The following PTPRN2 variants were observed in gnomAD, a reference collection of about 807,000 sequenced individuals.
PTPRN2 encodes receptor-type tyrosine-protein phosphatase N2.
In PTPRN2, 74 loss-of-function variants were observed where a neutral mutation model predicts 118.8. The observed-to-expected ratio is 0.62, with a 90% CI of 0.52 to 0.76. The LOEUF (loss-of-function observed/expected upper bound fraction) is 0.76. Ranked by LOEUF, PTPRN2 falls within the 30% of genes least tolerant of loss-of-function variation. PTPRN2 has a pLI of 0.00. For synonymous variants in PTPRN2, 641 were observed against 608.0 expected (o/e 1.05, Z -0.80); for missense variants, 1,481 against 1,394.4 (o/e 1.06, Z -0.99).
intron 2 of PTPRN2, among the ~76,000 whole-genome samples, chr7:158,466,329 C>G (rs377515317): frequency 1.3e-5 from 2 of 152,170 alleles, no homozygotes; most frequent in African/African-American, 4.8e-5. Flanking sequence ...CTCCCACCCC[C>G]CAAACCATAA....
Position 157,604,034 on chromosome 7 carries a change from T to C in PTPRN2, c.2386A>G (p.Ser796Gly), listed in dbSNP as rs1801858749. 3 of 1,613,846 alleles carry C rather than the reference T, an allele frequency of 1.9e-6. No homozygotes were observed. The highest frequency in any genetic ancestry group is 1.3e-5 in the African/African-American group (1 of 75,062). ...CTAGCGTTGATGTAGTCTGAGTGGC[T>C]GTGGCTGTTCTCCGCCTTCAGCAGG... Reference protein sequence around the residue: ...RVLLKAENSHSHSDYINASPI... With the variant: ...RVLLKAENSHGHSDYINASPI... The change falls in exon 16 of 23, where the codon AGC becomes GGC. Residue 796 changes from serine to glycine, a missense_variant. Physicochemically the swap from Ser to Gly is moderately conservative, Grantham distance 56 (BLOSUM62 0). Transcript: ENST00000389418.
At chr7:158,305,353 A>G (rs2151058557) in intron 3 of PTPRN2, among the ~76,000 whole-genome samples, 1 of 152,328 alleles carries the variant, frequency 6.6e-6, no homozygotes, top group Non-Finnish European at 1.5e-5. Context: ...TCATTTTTAT[A>G]TTAGACAAAA....
At chr7:158,329,738 G>T (rs1383099874) in intron 2 of PTPRN2, among the ~76,000 whole-genome samples, 1 of 152,166 alleles carries the variant, frequency 6.6e-6, no homozygotes, top group Non-Finnish European at 1.5e-5. Context: ...TTAAGGCACA[G>T]GGAGGTTAAG....
At chr7:158,291,467 A>G (rs1476056352) in intron 3 of PTPRN2, among the ~76,000 whole-genome samples, 2 of 152,130 alleles carry the variant, frequency 1.3e-5, no homozygotes, top group Non-Finnish European at 2.9e-5. Flanking sequence ...CCCTCCCCCA[A>G]TTGTTATAAA....
At chr7:158,089,455 C>G (rs1289419856) in intron 10 of PTPRN2, among the ~76,000 whole-genome samples, 1 of 64,776 alleles carries the variant, frequency 1.5e-5, no homozygotes, top group African/African-American at 4.6e-5. Context: ...ACCTTCTTCC[C>G]CTGATGAAGG....
At chr7:157,778,886 C>A (rs931167373) in intron 12 of PTPRN2, among the ~76,000 whole-genome samples, 2 of 152,234 alleles carry the variant, frequency 1.3e-5, no homozygotes, top group African/African-American at 4.8e-5. Context: ...AAGTCAATGT[C>A]TTCCTATGCC....
chr7:158,247,971 C>T (rs923232925), intron 3 of PTPRN2, among the ~76,000 whole-genome samples: 5 of 152,160 alleles, frequency 3.3e-5, no homozygotes, highest in Admixed American at 6.5e-5. Context: ...GAGAGAGGAG[C>T]GGGAGGGGGA....
At chr7:157,820,100 T>C (rs190242582) in intron 12 of PTPRN2, among the ~76,000 whole-genome samples, 3 of 137,472 alleles carry the variant, frequency 2.2e-5, no homozygotes, top group Non-Finnish European at 4.7e-5. Context: ...ACACAACACA[T>C]CCACACTCAC....
intron 12 of PTPRN2, among the ~76,000 whole-genome samples, chr7:157,767,571 G>C (rs560646387): frequency 6.6e-6 from 1 of 152,260 alleles, no homozygotes; most frequent in African/African-American, 2.4e-5. Flanking sequence ...CATTGGGGAA[G>C]TGAGTGCCCA....
chr7:157,650,472 C>G (rs1297150652), intron 14 of PTPRN2, among the ~76,000 whole-genome samples: 1 of 152,270 alleles, frequency 6.6e-6, no homozygotes, highest in Admixed American at 6.5e-5. Context: ...TCTGTGAACG[C>G]AGGCCCCACA....
At chr7:157,961,901 C>T (rs544212057) in intron 11 of PTPRN2, among the ~76,000 whole-genome samples, 14 of 152,084 alleles carry the variant, frequency 9.2e-5, no homozygotes, top group Admixed American at 3.9e-4. Context: ...GGAGACCCGG[C>T]GGCGGCCGCA....
At chr7:158,289,435 C>A (rs543451136) in intron 3 of PTPRN2, among the ~76,000 whole-genome samples, 26 of 152,262 alleles carry the variant, frequency 1.7e-4, no homozygotes, top group African/African-American at 5.8e-4. Flanking sequence ...ATCAATTCTG[C>A]AGTTGACACT....
Position 157,804,690 on chromosome 7 carries a change from C to T in PTPRN2, c.1788+93983G>A, listed in dbSNP as rs547952599. Among the ~76,000 whole-genome samples, 5 of 152,308 alleles carry T rather than the reference C, an allele frequency of 3.3e-5. No homozygotes were observed. The East Asian group carries it at 5.8e-4, about 18-fold the overall frequency. On this transcript the variant is annotated intron_variant, in intron 12 of 22. Coordinates refer to ENST00000389418, the MANE Select transcript of PTPRN2 (RefSeq NM_002847.5). ...ACACAGTCTCCCCTCTGACCCTTCT[C>T]GCCCTACTGGGTGACCAGTAGGTGA... is the stretch of plus-strand genomic sequence containing the variant.
chr7:158,073,018 G>A (rs116726405), intron 11 of PTPRN2, among the ~76,000 whole-genome samples: 335 of 152,196 alleles, frequency 2.2e-3, no homozygotes, highest in African/African-American at 7.5e-3. Flanking sequence ...TACAGGGCAG[G>A]ACTCCTGGGC....
At chr7:158,411,007 G>A (rs1386797051) in intron 2 of PTPRN2, among the ~76,000 whole-genome samples, 3 of 139,912 alleles carry the variant, frequency 2.1e-5, no homozygotes, top group East Asian at 2.2e-4. Flanking sequence ...AATTCACTTG[G>A]TGGTGTCAGG....
chr7:158,524,088 C>T lies in PTPRN2; in HGVS notation c.113-34303G>A, dbSNP rs561935313. ...CTGCCCTGGAGTGGAGTCATCTACCCTGGAGTGGAGTCGTCTACCCTGGAG... is the reference window on the plus strand; with the variant it reads ...CTGCCCTGGAGTGGAGTCATCTACCTTGGAGTGGAGTCGTCTACCCTGGAG... On this transcript the variant is annotated intron_variant, in intron 1 of 22. Coordinates refer to ENST00000389418, the MANE Select transcript of PTPRN2 (RefSeq NM_002847.5). Among the ~76,000 whole-genome samples, 81 of 80,074 alleles carry T rather than the reference C, an allele frequency of 1.0e-3. 7 individuals are homozygous for T. The highest frequency in any genetic ancestry group is 3.9e-3 in the African/African-American group (76 of 19,454). 52.5% of individuals were successfully genotyped at this position (80,074 alleles called of 152,430 possible).
intron 12 of PTPRN2, among the ~76,000 whole-genome samples, chr7:157,728,383 C>T (rs934339705): frequency 4.6e-5 from 7 of 152,256 alleles, no homozygotes; most frequent in Non-Finnish European, 8.8e-5. Flanking sequence ...ACAGCATCTG[C>T]GTCGGTGCCT....
intron 6 of PTPRN2, among the ~76,000 whole-genome samples, chr7:158,161,786 G>A (rs950166254): frequency 1.5e-5 from 2 of 129,182 alleles, no homozygotes; most frequent in East Asian, 5.3e-4. Flanking sequence ...TCAAGAGAAT[G>A]AAAATACAAG....
chr7:158,030,715 GAAGGACCCTCT>G (rs1001279774), intron 11 of PTPRN2: 1 of 152,592 alleles, frequency 6.6e-6, no homozygotes, highest in African/African-American at 2.4e-5. Flanking sequence ...GAGGAGGCAG[GAAGGACCCTCT>G]CTGGAGCCTT....
Sources: allele counts gnomAD v4.1 joint callset (sites outside exome capture counted in the v4.1 genomes callset), GRCh38; gene constraint gnomAD v4.1.1; transcripts MANE v1.5; gene names NCBI Gene and HGNC (gene_info 2026-07-23, HGNC 2026-07-21).